Variants in PDCD2 observed in about 807,000 individuals in gnomAD.
PDCD2 encodes the protein uS5 assembly chaperone PDCD2.
In PDCD2, 38 loss-of-function variants were observed where a neutral mutation model predicts 38.1. The observed-to-expected ratio is 1.00, with a 90% CI of 0.77 to 1.31. The LOEUF is 1.31. Ranked by LOEUF, PDCD2 falls within the 50% of genes most tolerant of loss-of-function variation. The probability of loss-of-function intolerance (pLI) is 0.00; values close to 1 mark genes in which losing one functional copy is unlikely to be tolerated. For missense variants in PDCD2, 473 were observed against 435.7 expected (o/e 1.09, Z -0.76); for synonymous variants, 205 against 168.9 (o/e 1.21, Z -1.66).
At position 170,575,398 on chromosome 6, in the gene PDCD2, C is replaced by G. The variant is rs1426022665; in HGVS notation, c.*2161G>C. 2 of 151,916 alleles carry G rather than the reference C, an allele frequency of 1.3e-5. No individual in the cohort carries two copies. The highest frequency in any genetic ancestry group is 2.9e-5 in the Non-Finnish European group (2 of 68,004). The allele number at this position is 151,916 out of a possible 1,614,324, so 9.4% of individuals were successfully genotyped here. ...AAAAGGCAAAGCTGAATATGCTGCT[C>G]TCTACAGCAGAGGGAGCTGCTGTGG... On this transcript the variant is annotated 3_prime_UTR_variant, in exon 6 of 6. Coordinates refer to ENST00000541970, the MANE Select transcript of PDCD2 (RefSeq NM_002598.4).
Position 170,583,506 on chromosome 6 carries a change from T to G in PDCD2, c.525A>C (p.Pro175=), listed in dbSNP as rs183277217. The change falls in exon 2 of 6, where the codon CCA becomes CCC. Residue 175 remains proline (P), a splice_region_variant and synonymous_variant. Coordinates refer to ENST00000541970, the MANE Select transcript of PDCD2 (RefSeq NM_002598.4). ...AGACTTAAAAAAAAGATTACCCACC[T>G]GGTTGTGCACAAGCCTGCTTATGTC... The part of the protein sequence containing the change: ...RLGHKQACAQ[P]DHLDHIIPDH... 6.2e-6 allele frequency: 10 copies of G among 1,601,502 alleles called. No individual in the cohort carries two copies. Among genetic ancestry groups the G allele is most frequent in the Non-Finnish European group, 7.7e-6 (9 of 1,170,574 alleles).
intron 3 of PDCD2, chr6:170,581,352 T>C (rs1030170862): frequency 2.6e-5 from 4 of 152,314 alleles, no homozygotes; most frequent in Non-Finnish European, 5.9e-5. Flanking sequence ...AAGTATCCTA[T>C]AAAGATGATT....
chr6:170,583,506 T>A lies in PDCD2; in HGVS notation c.525A>T (p.Pro175=), dbSNP rs183277217. Residue 175 remains proline, a splice_region_variant and synonymous_variant, in exon 2 of 6, where the codon CCA becomes CCT. Transcript: ENST00000541970. ...AGACTTAAAAAAAAGATTACCCACC[T>A]GGTTGTGCACAAGCCTGCTTATGTC... ...RLGHKQACAQ[P]DHLDHIIPDH... 6 of 1,601,502 alleles carry A rather than the reference T, an allele frequency of 3.7e-6. No homozygotes were observed. The Admixed American group carries it at 5.1e-5, about 14-fold the overall frequency.
At chr6:170,582,205 T>G (rs968893789) in intron 3 of PDCD2, 2 of 1,455,842 alleles carry the variant, frequency 1.4e-6, no homozygotes. Context: ...CAGATATTAT[T>G]TGGGCTCCTC....
chr6:170,577,692 A>C lies in PDCD2; in HGVS notation c.902T>G (p.Leu301Arg). 1.2e-6 allele frequency: 2 copies of C among 1,613,014 alleles called. No individual in the cohort carries two copies. The highest frequency in any genetic ancestry group is 1.7e-6 in the Non-Finnish European group (2 of 1,179,984). The change falls in exon 6 of 6, where the codon CTG becomes CGG. Residue 301 changes from leucine to arginine, a missense_variant. By Grantham distance (102) the Leu-to-Arg change is moderately radical. Transcript: ENST00000541970. ...GCTCTTGCCCAGTCTGTCAGCCTTC[A>C]GGTAGTTTAGGAGCTGAGGCATGAC... ...FQVMPQLLNYLKADRLGKSID... is the reference protein window; with the variant it reads ...FQVMPQLLNYRKADRLGKSID...
chr6:170,583,909 T>A, intron 1 of PDCD2, 162 bp from the exon 2 acceptor site: 2 of 641,986 alleles, frequency 3.1e-6, no homozygotes, highest in South Asian at 4.0e-5. Context: ...TTTCGTCCGG[T>A]ACACGCAACT....
chr6:170,583,395 A>ATT, intron 2 of PDCD2, 110 bp downstream of exon 2: 1 of 1,280,818 alleles, frequency 7.8e-7, no homozygotes, highest in Admixed American at 2.5e-5. Context: ...GGCATGAAAA[A>ATT]TTTTAAAGTA....
Position 170,575,620 on chromosome 6 carries a change from TAC to T in PDCD2, c.*1937_*1938del, listed in dbSNP as rs1467658174. ...TTTTTAATTTAAATTTTTTATGTTG[TAC>T]AGTTTATTTTAAATATAGTTGCTAT... On this transcript the variant is annotated 3_prime_UTR_variant, in exon 6 of 6. Transcript: ENST00000541970. 1 of 152,238 alleles carries T rather than the reference TAC, an allele frequency of 6.6e-6. No individual in the cohort carries two copies. The highest frequency in any genetic ancestry group is 1.9e-4 in the East Asian group (1 of 5,200). The allele number at this position is 152,238 out of a possible 1,614,324, so 9.4% of individuals were successfully genotyped here.
intron 4 of PDCD2, 77 bp from the exon 5 acceptor site, chr6:170,579,047 C>T: frequency 1.2e-6 from 1 of 845,412 alleles, no homozygotes; most frequent in Non-Finnish European, 1.9e-6. Context: ...CTATCTACTC[C>T]ATGAATGTTC....
rs1057272676 is a variant in PDCD2 at position 170,578,661 on chromosome 6, G to A, written c.876+196C>T. On this transcript the variant is annotated intron_variant, in intron 5 of 5. Transcript: ENST00000541970. The stretch of plus-strand genomic sequence containing the variant: ...TCAATAGACCGTGTCTGAAAACTAG[G>A]AAACAGAAAAAAACAAGACAGTTCC... The A allele has an allele frequency of 1.8e-5, 13 of 703,726 alleles. No individual in the cohort carries two copies. The African/African-American group carries it at 2.3e-4, about 12-fold the overall frequency. 43.6% of individuals were successfully genotyped at this position (703,726 alleles called of 1,614,324 possible).
chr6:170,583,529 G>A lies in PDCD2; in HGVS notation c.502C>T (p.His168Tyr). The A allele has an allele frequency of 6.2e-7, 1 of 1,612,700 alleles. No homozygotes were observed. Among genetic ancestry groups the A allele is most frequent in the Admixed American group, 1.7e-5 (1 of 59,970 alleles). ...CCTGGTTGTGCACAAGCCTGCTTATGTCCCAATCTCCAGTCTAGGGTCTGA... is the reference window on the plus strand; with the variant it reads ...CCTGGTTGTGCACAAGCCTGCTTATATCCCAATCTCCAGTCTAGGGTCTGA... ...EHQTLDWRLG[H>Y]KQACAQPDHL... The change falls in exon 2 of 6, where the codon CAT becomes TAT. Residue 168 changes from histidine (H) to tyrosine (Y), a missense_variant. By Grantham distance (83) the His-to-Tyr change is moderately conservative. Coordinates refer to ENST00000541970, the MANE Select transcript of PDCD2 (RefSeq NM_002598.4).
intron 3 of PDCD2, chr6:170,581,394 C>T (rs1562368204): frequency 6.6e-6 from 1 of 152,022 alleles, no homozygotes; most frequent in Non-Finnish European, 1.5e-5. Context: ...ATTTTGAACC[C>T]ATTAAACATA....
intron 1 of PDCD2, 81 bp from the exon 2 acceptor site, chr6:170,583,828 AAAT>A (rs1779708533): frequency 3.9e-6 from 4 of 1,035,044 alleles, no homozygotes; most frequent in Admixed American, 2.7e-5. Flanking sequence ...GTAAAACTGA[AAAT>A]AACAACAACA....
intron 3 of PDCD2, chr6:170,581,380 T>C (rs558687301): frequency 1.3e-5 from 2 of 152,308 alleles, no homozygotes; most frequent in South Asian, 4.1e-4. Context: ...TTTTTTAAAG[T>C]ATCATTTTGA....
chr6:170,575,581 C>T lies in PDCD2; in HGVS notation c.*1978G>A, dbSNP rs192869412. The T allele has an allele frequency of 6.6e-6, 1 of 152,328 alleles. No individual in the cohort carries two copies. Among genetic ancestry groups the T allele is most frequent in the Admixed American group, 6.5e-5 (1 of 15,306 alleles). The allele number at this position is 152,328 out of a possible 1,614,324, so 9.4% of individuals were successfully genotyped here. A position where few individuals can be genotyped will look rare whatever the true frequency, so the allele number is the denominator to read the frequency against. ...AATGTCTTCACATTTCTAAAGGCAA[C>T]TTGCTTAATGCATTTTTTAATTTAA... is the stretch of plus-strand genomic sequence containing the variant. On this transcript the variant is annotated 3_prime_UTR_variant, in exon 6 of 6. Transcript: ENST00000541970.
chr6:170,577,528 T>A lies in PDCD2; in HGVS notation c.*31A>T. 1 of 1,582,846 alleles carries A rather than the reference T, an allele frequency of 6.3e-7. No individual in the cohort carries two copies. The highest frequency in any genetic ancestry group is 1.1e-5 in the South Asian group (1 of 89,850). ...AATGGAATTGCAAGGTATAAAAGAT[T>A]ATTAACATTTTTCAAGGCTTTAAGA... On this transcript the variant is annotated 3_prime_UTR_variant, in exon 6 of 6. Coordinates refer to ENST00000541970, the MANE Select transcript of PDCD2 (RefSeq NM_002598.4).
intron 5 of PDCD2, chr6:170,578,362 C>A (rs557574444): frequency 3.3e-5 from 15 of 455,866 alleles, no homozygotes; most frequent in African/African-American, 2.6e-4. Flanking sequence ...CCACCCTACC[C>A]AAATGGATTT....
At chr6:170,584,147 C>G in intron 1 of PDCD2, 152 bp downstream of exon 1, 2 of 842,326 alleles carry the variant, frequency 2.4e-6, no homozygotes, top group East Asian at 3.4e-5. Context: ...CTGGAAGGGC[C>G]CGGGAGAAGG....
At chr6:170,578,136 A>C (rs1779494563) in intron 5 of PDCD2, among the ~76,000 whole-genome samples, 1 of 149,608 alleles carries the variant, frequency 6.7e-6, no homozygotes, top group Admixed American at 6.7e-5. Context: ...TCTTAGAAGT[A>C]GTCTAACTCA....
Sources: allele counts gnomAD v4.1 joint callset (sites outside exome capture counted in the v4.1 genomes callset), GRCh38; gene constraint gnomAD v4.1.1; transcripts MANE v1.5; gene names NCBI Gene and HGNC (gene_info 2026-07-23, HGNC 2026-07-21).